Variants in SYNGR2 observed in about 807,000 individuals in gnomAD.
SYNGR2 encodes synaptogyrin-2.
Under a neutral mutation model 18.7 loss-of-function variants are expected in SYNGR2, and 11 were observed. The observed-to-expected ratio is 0.59, with a 90% CI of 0.37 to 0.97. SYNGR2 has a LOEUF of 0.97. Ranked by LOEUF, SYNGR2 falls within the 50% of genes least tolerant of loss-of-function variation. SYNGR2 has a pLI of 0.01. For missense variants in SYNGR2, 253 were observed against 300.7 expected (o/e 0.84, Z 1.17); for synonymous variants, 127 against 131.0 (o/e 0.97, Z 0.21).
rs189347749 is a variant in SYNGR2, at chr17:78,172,176, A to G, written c.*240A>G. The G allele has an allele frequency of 8.7e-4, 812 of 935,524 alleles. 4 individuals are homozygous for G. Among genetic ancestry groups the G allele is most frequent in the African/African-American group, 8.6e-3 (518 of 60,334 alleles). The allele number at this position is 935,524 out of a possible 1,614,324, so 58.0% of individuals were successfully genotyped here. On this transcript the variant is annotated 3_prime_UTR_variant, in exon 4 of 4. Transcript: ENST00000225777. Reference sequence around the variant, plus strand: ...AGGGCACTTTTAGGAAAGGGTTTTTAGCTAGTGTTTTTCCTCGCTTTTAAT... The same window carrying G: ...AGGGCACTTTTAGGAAAGGGTTTTTGGCTAGTGTTTTTCCTCGCTTTTAAT...
rs1452303739 is a variant in SYNGR2 at position 78,171,298 on chromosome 17, T to G, written c.338-212T>G. ...CAGATGGGCTTTGCCTCTGCCCCTTTTGTCCCCTAGGCTGTCTGCTGTGGC... is the reference window on the plus strand; with the variant it reads ...CAGATGGGCTTTGCCTCTGCCCCTTGTGTCCCCTAGGCTGTCTGCTGTGGC... On this transcript the variant is annotated intron_variant, in intron 2 of 3. Coordinates refer to ENST00000225777, the MANE Select transcript of SYNGR2 (RefSeq NM_004710.7). The surrounding 1 kb of genome is among the most constrained non-coding windows in gnomAD (Gnocchi z 6.6). 2 of 686,820 alleles carry G rather than the reference T, an allele frequency of 2.9e-6. No individual in the cohort carries two copies. Among genetic ancestry groups the G allele is most frequent in the Non-Finnish European group, 4.8e-6 (2 of 416,696 alleles). The allele number at this position is 686,820 out of a possible 1,614,324, so 42.5% of individuals were successfully genotyped here.
At position 78,172,633 on chromosome 17, in the gene SYNGR2, C is replaced by G. The variant is rs2075668841; in HGVS notation, c.*697C>G. The G allele has an allele frequency of 6.6e-6, 1 of 152,568 alleles. No individual in the cohort carries two copies. Among genetic ancestry groups the G allele is most frequent in the South Asian group, 2.1e-4 (1 of 4,846 alleles). 9.5% of individuals were successfully genotyped at this position (152,568 alleles called of 1,614,324 possible). Reference sequence around the variant, plus strand: ...AGGGGTGCCCCATGGCTCCCAGACTCTGTCTGTGCCGAGTGTATTATAAAA... The same window carrying G: ...AGGGGTGCCCCATGGCTCCCAGACTGTGTCTGTGCCGAGTGTATTATAAAA... On this transcript the variant is annotated 3_prime_UTR_variant, in exon 4 of 4. Coordinates refer to ENST00000225777, the MANE Select transcript of SYNGR2 (RefSeq NM_004710.7).
rs200716734 is a variant in SYNGR2 at position 78,171,941 on chromosome 17, C to A, written c.*5C>A. 2,254 of 1,612,524 alleles carry A rather than the reference C, an allele frequency of 1.4e-3. 4 individuals are homozygous for A. The highest frequency in any genetic ancestry group is 1.7e-3 in the Non-Finnish European group (1,994 of 1,179,968). Reference sequence around the variant, plus strand: ...CAGCCGCCCCCTGTGTACTGAGCGGCGGTTAGCGTGGGAAGGGGGACAGAG... The same window carrying A: ...CAGCCGCCCCCTGTGTACTGAGCGGAGGTTAGCGTGGGAAGGGGGACAGAG... On this transcript the variant is annotated 3_prime_UTR_variant, in exon 4 of 4. Transcript: ENST00000225777. This position sits in a 1 kb window ranked among gnomAD's most constrained non-coding sequence, Gnocchi z 6.6.
Position 78,170,465 on chromosome 17 carries a change from G to A in SYNGR2, c.100-352G>A, listed in dbSNP as rs370709205. 1.5e-4 allele frequency: 37 copies of A among 240,250 alleles called. No individual in the cohort carries two copies. In the East Asian group the frequency reaches 3.1e-3, roughly 20 times the overall value. The allele number at this position is 240,250 out of a possible 1,614,324, so 14.9% of individuals were successfully genotyped here. ...TGTAATCCCAGCACTTTGGGAGGCC[G>A]AGGAGGGTGGATCACCTGAGGTCAG... On this transcript the variant is annotated intron_variant, in intron 1 of 3. Transcript: ENST00000225777.
intron 1 of SYNGR2, chr17:78,169,264 GTGTGTGTGTGGCGGGGA>G (rs2075641455): frequency 8.0e-6 from 1 of 124,496 alleles, no homozygotes; most frequent in African/African-American, 4.5e-5. Flanking sequence ...TTTTGTGTGT[GTGTGTGTGTGGCGGGGA>G]GGGGGCCTGT....
intron 1 of SYNGR2, 63 bp downstream of exon 1, chr17:78,168,778 C>T: frequency 8.6e-7 from 1 of 1,166,054 alleles, no homozygotes; most frequent in Non-Finnish European, 1.1e-6. Flanking sequence ...CCAGGCCCGG[C>T]GGGGCCCCTA....
chr17:78,172,107 A>G lies in SYNGR2; in HGVS notation c.*171A>G, dbSNP rs1163854060. 2.1e-6 allele frequency: 3 copies of G among 1,431,252 alleles called. No individual in the cohort carries two copies. Among genetic ancestry groups the G allele is most frequent in the Admixed American group, 5.1e-5 (2 of 38,878 alleles). 88.7% of individuals were successfully genotyped at this position (1,431,252 alleles called of 1,614,324 possible). ...GCGGGGGCTGGCAGAGCCACACCCC[A>G]AGTGCCTGTGCCCAGAGGGCTTCAG... On this transcript the variant is annotated 3_prime_UTR_variant, in exon 4 of 4. Transcript: ENST00000225777.
Position 78,170,997 on chromosome 17 carries a change from C to G in SYNGR2, c.280C>G (p.Gln94Glu). 2.5e-6 allele frequency: 4 copies of G among 1,601,976 alleles called. No homozygotes were observed. The highest frequency in any genetic ancestry group is 3.4e-6 in the Non-Finnish European group (4 of 1,175,212). ...FFLVVDAYFP[Q>E]ISNATDRKYL... ...CTTGGTGGTCGACGCGTATTTCCCC[C>G]AGATCAGCAACGCCACTGACCGCAA... is the stretch of plus-strand genomic sequence containing the variant. Residue 94 changes from glutamine (Q) to glutamate (E), a missense_variant, in exon 2 of 4, where the codon CAG (glutamine) becomes GAG (glutamate). Physicochemically the swap from Gln to Glu is conservative, Grantham distance 29. Transcript: ENST00000225777.
rs1421175677 is a variant in SYNGR2 at position 78,171,375 on chromosome 17, G to C, written c.338-135G>C. 3 of 1,159,486 alleles carry C rather than the reference G, an allele frequency of 2.6e-6. No homozygotes were observed. Among genetic ancestry groups the C allele is most frequent in the South Asian group, 1.7e-5 (1 of 60,228 alleles). The allele number at this position is 1,159,486 out of a possible 1,614,324, so 71.8% of individuals were successfully genotyped here. A position where few individuals can be genotyped will look rare whatever the true frequency, so the allele number is the denominator to read the frequency against. ...GGACTTTGGAGGTGGCTCCCGGCCC[G>C]GCTTCCAAGTCCTCCCCTCCATAGT... On this transcript the variant is annotated intron_variant, in intron 2 of 3. Transcript: ENST00000225777. The surrounding 1 kb of genome is among the most constrained non-coding windows in gnomAD (Gnocchi z 6.6).
chr17:78,172,072 T>C lies in SYNGR2; in HGVS notation c.*136T>C. On this transcript the variant is annotated 3_prime_UTR_variant, in exon 4 of 4. Coordinates refer to ENST00000225777, the MANE Select transcript of SYNGR2 (RefSeq NM_004710.7). ...GCAGCTGACACACAGCTAAGGAGCC[T>C]CATAGCCTGGCGGGGGCTGGCAGAG... 6.7e-7 allele frequency: 1 copy of C among 1,492,236 alleles called. No individual in the cohort carries two copies. The highest frequency in any genetic ancestry group is 1.3e-5 in the South Asian group (1 of 78,068). 92.4% of individuals were successfully genotyped at this position (1,492,236 alleles called of 1,614,324 possible).
At chr17:78,168,785 C>T (rs2075637053) in intron 1 of SYNGR2, 70 bp downstream of exon 1, 2 of 1,158,212 alleles carry the variant, frequency 1.7e-6, no homozygotes. Flanking sequence ...CGGCGGGGCC[C>T]CTAGCCCACG....
rs1347849830 is a variant in SYNGR2 at position 78,168,596 on chromosome 17, G to GGCA, written c.-18_-16dup. On this transcript the variant is annotated 5_prime_UTR_variant, in exon 1 of 4. Transcript: ENST00000225777. ...AGGTTCCTCTGCGTTCCGCGGCGGC[G>GGCA]GCAGCGGCGGCGACGGCGACATGGA... 1 of 1,183,014 alleles carries GGCA rather than the reference G, an allele frequency of 8.5e-7. No homozygotes were observed. Among genetic ancestry groups the GGCA allele is most frequent in the Non-Finnish European group, 1.0e-6 (1 of 952,460 alleles). 73.3% of individuals were successfully genotyped at this position (1,183,014 alleles called of 1,614,324 possible). A position where few individuals can be genotyped will look rare whatever the true frequency, so the allele number is the denominator to read the frequency against.
chr17:78,168,553 T>A (rs1287366062), upstream of SYNGR2: 17 of 1,049,856 alleles, frequency 1.6e-5, no homozygotes, highest in African/African-American at 2.8e-4. Context: ...GCGGGTGGAG[T>A]CGGGCGGGGC....
chr17:78,168,593 G>GGCGGCA lies in SYNGR2; in HGVS notation c.-18_-13dup, dbSNP rs1242860168. 5.3e-4 allele frequency: 627 copies of GGCGGCA among 1,179,018 alleles called. 1 individual carries two copies. Among genetic ancestry groups the GGCGGCA allele is most frequent in the Middle Eastern group, 2.0e-3 (6 of 2,980 alleles). 73.0% of individuals were successfully genotyped at this position (1,179,018 alleles called of 1,614,324 possible). On this transcript the variant is annotated 5_prime_UTR_variant, in exon 1 of 4. Coordinates refer to ENST00000225777, the MANE Select transcript of SYNGR2 (RefSeq NM_004710.7). ...GGCAGGTTCCTCTGCGTTCCGCGGC[G>GGCGGCA]GCGGCAGCGGCGGCGACGGCGACAT...
chr17:78,171,896 C>T lies in SYNGR2; in HGVS notation c.635C>T (p.Ala212Val), dbSNP rs533720150. The T allele has an allele frequency of 1.7e-5, 28 of 1,613,926 alleles. No individual in the cohort carries two copies. The highest frequency in any genetic ancestry group is 1.6e-4 in the Middle Eastern group (1 of 6,062). The stretch of plus-strand genomic sequence containing the variant: ...CAACAGCCACCCTTCACCCAGAACG[C>T]GGAGACCACCGAGGGCTACCAGCCG... The part of the protein sequence containing the change: ...NYQQPPFTQN[A>V]ETTEGYQPPP... The change falls in exon 4 of 4, where the codon GCG becomes GTG. Residue 212 changes from alanine to valine, a missense_variant. Physicochemically the swap from Ala to Val is moderately conservative, Grantham distance 64. Transcript: ENST00000225777. The surrounding 1 kb of genome is among the most constrained non-coding windows in gnomAD (Gnocchi z 6.6).
Position 78,171,143 on chromosome 17 carries a change from G to C in SYNGR2, c.337+89G>C. On this transcript the variant is annotated intron_variant, in intron 2 of 3. Coordinates refer to ENST00000225777, the MANE Select transcript of SYNGR2 (RefSeq NM_004710.7). This position sits in a 1 kb window ranked among gnomAD's most constrained non-coding sequence, Gnocchi z 6.6. ...GGGAGGGTCTCGGCCTCTCTGGGAG[G>C]GGCAGGGAGCAGCTCACTCCTCCAG... is the stretch of plus-strand genomic sequence containing the variant. 2 of 1,307,900 alleles carry C rather than the reference G, an allele frequency of 1.5e-6. No homozygotes were observed. The highest frequency in any genetic ancestry group is 1.9e-5 in the Admixed American group (1 of 52,626). 81.0% of individuals were successfully genotyped at this position (1,307,900 alleles called of 1,614,324 possible).
rs907575603 is a variant in SYNGR2, at chr17:78,171,198, T to C, written c.337+144T>C. The stretch of plus-strand genomic sequence containing the variant: ...TTTTTAGGAAAGGGTTTTCAGCTAG[T>C]GTTTTTCCGTGCTTGAATGGCACCA... On this transcript the variant is annotated intron_variant, in intron 2 of 3. Transcript: ENST00000225777. This position sits in a 1 kb window ranked among gnomAD's most constrained non-coding sequence, Gnocchi z 6.6. 1.2e-6 allele frequency: 1 copy of C among 818,180 alleles called. No individual in the cohort carries two copies. The highest frequency in any genetic ancestry group is 2.7e-5 in the Admixed American group (1 of 37,686). The allele number at this position is 818,180 out of a possible 1,614,324, so 50.7% of individuals were successfully genotyped here.
In SYNGR2 at chr17:78,172,185, T is replaced by C. The variant is rs1371414328; in HGVS notation, c.*249T>C. The C allele has an allele frequency of 1.2e-6, 1 of 840,378 alleles. No individual in the cohort carries two copies. Among genetic ancestry groups the C allele is most frequent in the Non-Finnish European group, 1.8e-6 (1 of 562,036 alleles). The allele number at this position is 840,378 out of a possible 1,614,324, so 52.1% of individuals were successfully genotyped here. Reference sequence around the variant, plus strand: ...TTAGGAAAGGGTTTTTAGCTAGTGTTTTTCCTCGCTTTTAATGACCTCAGC... The same window carrying C: ...TTAGGAAAGGGTTTTTAGCTAGTGTCTTTCCTCGCTTTTAATGACCTCAGC... On this transcript the variant is annotated 3_prime_UTR_variant, in exon 4 of 4. Coordinates refer to ENST00000225777, the MANE Select transcript of SYNGR2 (RefSeq NM_004710.7).
chr17:78,171,718 C>T lies in SYNGR2; in HGVS notation c.478-21C>T, dbSNP rs773918665. ...GGTGGGGTCCCCCACCCACCTGTAC[C>T]CTGCTGTGCTCCCCCTGCAGGGTGT... On this transcript the variant is annotated intron_variant, in intron 3 of 3. Coordinates refer to ENST00000225777, the MANE Select transcript of SYNGR2 (RefSeq NM_004710.7). This position sits in a 1 kb window ranked among gnomAD's most constrained non-coding sequence, Gnocchi z 6.6. 1 of 1,613,876 alleles carries T rather than the reference C, an allele frequency of 6.2e-7. No homozygotes were observed. Among genetic ancestry groups the T allele is most frequent in the African/African-American group, 1.3e-5 (1 of 74,894 alleles).
Sources: allele counts gnomAD v4.1 joint callset, GRCh38; gene constraint gnomAD v4.1.1; non-coding constraint Gnocchi (gnomAD v3.1); transcripts MANE v1.5; gene names NCBI Gene and HGNC (gene_info 2026-07-23, HGNC 2026-07-21).